Variants in CEBPZ observed in about 807,000 individuals in gnomAD.
CEBPZ encodes CCAAT enhancer binding protein zeta.
A neutral mutation model predicts 104.5 loss-of-function variants in CEBPZ; 78 were observed. The observed-to-expected ratio is 0.75, with a 90% CI of 0.62 to 0.90. The LOEUF is 0.90. Among genes scored for constraint, CEBPZ ranks in the 40% least tolerant of loss-of-function variants. The pLI is 0.00. For synonymous variants in CEBPZ, 470 were observed against 427.0 expected (o/e 1.10, Z -1.24); for missense variants, 1,439 against 1,233.5 (o/e 1.17, Z -2.50).
chr2:37,217,462 T>C (rs1488847228), intron 5 of CEBPZ, among the ~76,000 whole-genome samples: 1 of 152,144 alleles, frequency 6.6e-6, no homozygotes, highest in Non-Finnish European at 1.5e-5. Context: ...AAAAAAGTGA[T>C]TCTCAAAACA....
chr2:37,213,890 T>C lies in CEBPZ; in HGVS notation c.2519A>G (p.Asp840Gly). The change falls in exon 10 of 16, where the codon GAT (aspartate) becomes GGT (glycine). Residue 840 changes from aspartate (D) to glycine (G), a missense_variant. Physicochemically the swap from Asp to Gly is moderately conservative, Grantham distance 94 (BLOSUM62 -1). Transcript: ENST00000234170. Reference sequence around the variant, plus strand: ...AATCAGCTCTTCAAATTCTTCATCATCCACGTCTTCTATACTTTCTTCATC... The same window carrying C: ...AATCAGCTCTTCAAATTCTTCATCACCCACGTCTTCTATACTTTCTTCATC... ...DADEESIEDVDDEEFEELIDT... is the reference protein window; with the variant it reads ...DADEESIEDVGDEEFEELIDT... 6.2e-7 allele frequency: 1 copy of C among 1,607,438 alleles called. No individual in the cohort carries two copies. Among genetic ancestry groups the C allele is most frequent in the East Asian group, 2.2e-5 (1 of 44,480 alleles).
chr2:37,211,996 CT>C lies in CEBPZ; in HGVS notation c.2646del (p.Asp883MetfsTer21). The C allele has an allele frequency of 1.2e-6, 2 of 1,610,692 alleles. No individual in the cohort carries two copies. The highest frequency in any genetic ancestry group is 1.7e-6 in the Non-Finnish European group (2 of 1,179,074). On this transcript the variant is annotated frameshift_variant, in exon 12 of 16. Coordinates refer to ENST00000234170, the MANE Select transcript of CEBPZ (RefSeq NM_005760.3). LOFTEE classifies it high-confidence loss of function. ...TCATCACTACCTTCTGAATCTTCAT[CT>C]AATGTGTTATCCTTAGCTCCTTTTG... ...KRTKGAKDNTLDEDSEGSDDE... is the reference protein window; with the variant it reads ...KRTKGAKDNTXDEDSEGSDDE...
chr2:37,214,300 A>G (rs771726140), intron 9 of CEBPZ, among the ~76,000 whole-genome samples: 10 of 152,138 alleles, frequency 6.6e-5, no homozygotes, highest in Non-Finnish European at 1.5e-4. Context: ...ATCAAACCTA[A>G]TTAACCAGTC....
Position 37,228,573 on chromosome 2 carries a change from G to A in CEBPZ, c.620C>T (p.Thr207Ile), listed in dbSNP as rs1407814182. ...ATGCTGATACAGCTTCTGAGCAAGG[G>A]TTTTGTACTTAGATACAACATCCTG... ...QPQDVVSKYKTLAQKLYQHEI... is the reference protein window; with the variant it reads ...QPQDVVSKYKILAQKLYQHEI... The change falls in exon 2 of 16, where the codon ACC (threonine) becomes ATC (isoleucine). Residue 207 changes from threonine to isoleucine, a missense_variant. Coordinates refer to ENST00000234170, the MANE Select transcript of CEBPZ (RefSeq NM_005760.3). 7.4e-6 allele frequency: 12 copies of A among 1,614,030 alleles called. No homozygotes were observed. The highest frequency in any genetic ancestry group is 1.3e-5 in the African/African-American group (1 of 74,910).
chr2:37,231,536 T>C lies in CEBPZ; in HGVS notation c.32A>G (p.His11Arg). 1.2e-6 allele frequency: 2 copies of C among 1,614,256 alleles called. No homozygotes were observed. The highest frequency in any genetic ancestry group is 1.1e-5 in the South Asian group (1 of 91,090). The change falls in exon 1 of 16, where the codon CAT becomes CGT. Residue 11 changes from histidine (H) to arginine (R), a missense_variant. Physicochemically the swap from His to Arg is conservative, Grantham distance 29. Coordinates refer to ENST00000234170, the MANE Select transcript of CEBPZ (RefSeq NM_005760.3). ...CTCGGGGCGCCAAGGCCGCTTGGCATGGAACTCCAAAGGCTCCTTGACTGC... is the reference window on the plus strand; with the variant it reads ...CTCGGGGCGCCAAGGCCGCTTGGCACGGAACTCCAAAGGCTCCTTGACTGC... The part of the protein sequence containing the change: MAAVKEPLEF[H>R]AKRPWRPEEA...
intron 2 of CEBPZ, among the ~76,000 whole-genome samples, chr2:37,224,313 G>A (rs1371297597): frequency 1.3e-5 from 2 of 151,962 alleles, no homozygotes; most frequent in South Asian, 2.1e-4. Context: ...GTCCCCAACC[G>A]GTCTAGACCT....
Position 37,222,533 on chromosome 2 carries a change from C to T in CEBPZ, c.1912G>A (p.Ala638Thr), listed in dbSNP as rs749696573. 3 of 1,589,826 alleles carry T rather than the reference C, an allele frequency of 1.9e-6. No homozygotes were observed. Among genetic ancestry groups the T allele is most frequent in the South Asian group, 1.2e-5 (1 of 85,284 alleles). ...TTTTCCATGTCTTCATCATCATTTG[C>T]ATCAATAAAATTTTCTTCATCATCA... The part of the protein sequence containing the change: ...ESDDEENFID[A>T]NDDEDMEKFT... The change falls in exon 4 of 16, where the codon GCA (alanine) becomes ACA (threonine). Residue 638 changes from alanine to threonine, a missense_variant. Ala to Thr is a moderately conservative substitution (Grantham distance 58). Transcript: ENST00000234170.
At chr2:37,218,261 T>C (rs999881081) in intron 5 of CEBPZ, among the ~76,000 whole-genome samples, 2 of 150,894 alleles carry the variant, frequency 1.3e-5, no homozygotes, top group Non-Finnish European at 2.9e-5. Context: ...AGCAAGACTC[T>C]GCCTCAAAAA....
chr2:37,205,812 C>A (rs1029638613), intron 13 of CEBPZ, among the ~76,000 whole-genome samples: 2 of 152,096 alleles, frequency 1.3e-5, no homozygotes, highest in African/African-American at 4.8e-5. Flanking sequence ...TTTATTAGCA[C>A]CTTGTGTTAC....
At chr2:37,221,919 GGT>G in intron 4 of CEBPZ, among the ~76,000 whole-genome samples, 1 of 152,176 alleles carries the variant, frequency 6.6e-6, no homozygotes, top group East Asian at 1.9e-4. Flanking sequence ...AATTTAGTTT[GGT>G]GTGTGTATAG....
chr2:37,210,616 TG>T lies in CEBPZ; in HGVS notation c.2884+382del, dbSNP rs536515218. On this transcript the variant is annotated intron_variant, in intron 13 of 15. Transcript: ENST00000234170. ...AATGATATAATGGACTCTGGGGACT[TG>T]GGGGGAAGAGTGGGAGGCAGTGGGG... 695 of 160,596 alleles carry T rather than the reference TG, an allele frequency of 4.3e-3. 1 individual carries two copies. The highest frequency in any genetic ancestry group is 6.3e-3 in the Non-Finnish European group (466 of 73,804). 9.9% of individuals were successfully genotyped at this position (160,596 alleles called of 1,614,324 possible). A position where few individuals can be genotyped will look rare whatever the true frequency, so the allele number is the denominator to read the frequency against.
chr2:37,215,968 AG>A, intron 8 of CEBPZ, 171 bp downstream of exon 8: 1 of 419,594 alleles, frequency 2.4e-6, no homozygotes, highest in Non-Finnish European at 4.1e-6. Context: ...AAAAAAAAAA[AG>A]GCCCAGTCAG....
In CEBPZ at chr2:37,228,115, T is replaced by C; in HGVS notation, c.1078A>G (p.Thr360Ala). The C allele has an allele frequency of 1.2e-6, 2 of 1,614,226 alleles. No homozygotes were observed. The highest frequency in any genetic ancestry group is 1.7e-6 in the Non-Finnish European group (2 of 1,180,038). ...ACGGTAAGGGCTCGAGTTTTAGTGG[T>C]TACTAATGTATCATGACTTAAAGTT... is the stretch of plus-strand genomic sequence containing the variant. ...LETLSHDTLV[T>A]TKTRALTVAH... is the part of the protein sequence containing the mutation. Residue 360 changes from threonine (T) to alanine (A), a missense_variant, in exon 2 of 16, where the codon ACC becomes GCC. Thr to Ala is a moderately conservative substitution (Grantham distance 58). Coordinates refer to ENST00000234170, the MANE Select transcript of CEBPZ (RefSeq NM_005760.3).
At chr2:37,207,822 A>G (rs1677589774) in intron 13 of CEBPZ, among the ~76,000 whole-genome samples, 1 of 152,188 alleles carries the variant, frequency 6.6e-6, no homozygotes, top group Non-Finnish European at 1.5e-5. Context: ...ACTAAATAAA[A>G]CTGAAGCAAA....
At chr2:37,219,642 A>G (rs761427690) in intron 5 of CEBPZ, among the ~76,000 whole-genome samples, 2 of 152,310 alleles carry the variant, frequency 1.3e-5, no homozygotes, top group South Asian at 2.1e-4. Context: ...GTCTGGCCGC[A>G]CTTTGAGAAT....
intron 1 of CEBPZ, among the ~76,000 whole-genome samples, chr2:37,230,150 T>C (rs1407199010): frequency 6.6e-6 from 1 of 152,158 alleles, no homozygotes; most frequent in Non-Finnish European, 1.5e-5. Context: ...ACAGACAAAA[T>C]GATTTATGCA....
intron 13 of CEBPZ, among the ~76,000 whole-genome samples, chr2:37,205,533 TGACTCTCTTTTCG>T (rs1677506816): frequency 6.6e-6 from 1 of 152,120 alleles, no homozygotes; most frequent in Admixed American, 6.5e-5. Context: ...CTCCCTTCAC[TGACTCTCTTTTCG>T]GACTCAGCCC....
chr2:37,202,971 G>C lies in CEBPZ; in HGVS notation c.2922C>G (p.Ser974Arg). 1 of 1,561,718 alleles carries C rather than the reference G, an allele frequency of 6.4e-7. No homozygotes were observed. Among genetic ancestry groups the C allele is most frequent in the Non-Finnish European group, 8.6e-7 (1 of 1,157,000 alleles). ...RKKKRNLNDS[S>R]LFVSAEEFGH... ...TTACCTCTTCAGCAGATACAAATAG[G>C]CTGGAATCATTTAAGTTTCTTTTCT... Residue 974 changes from serine (S) to arginine (R), a missense_variant, in exon 14 of 16, where the codon AGC becomes AGG. Transcript: ENST00000234170.
rs1413379416 is a variant in CEBPZ at position 37,227,631 on chromosome 2, T to C, written c.1562A>G (p.Asn521Ser). ...LFKVLHIVNFNTSVQALMLLF... is the reference protein window; with the variant it reads ...LFKVLHIVNFSTSVQALMLLF... ...CAACATTAAAGCCTGGACACTGGTA[T>C]TAAAATTCACAATATGCAACACTTT... The change falls in exon 2 of 16, where the codon AAT becomes AGT. Residue 521 changes from asparagine (N) to serine (S), a missense_variant. By Grantham distance (46) the Asn-to-Ser change is conservative. Coordinates refer to ENST00000234170, the MANE Select transcript of CEBPZ (RefSeq NM_005760.3). 6.2e-7 allele frequency: 1 copy of C among 1,614,168 alleles called. No individual in the cohort carries two copies.
Sources: gnomAD v4.1 joint callset for allele counts (sites outside exome capture counted in the v4.1 genomes callset) on GRCh38, gnomAD v4.1.1 for gene constraint, MANE v1.5 for transcripts, NCBI Gene and HGNC (gene_info 2026-07-23, HGNC 2026-07-21) for gene names.